THSD4: variants seen among roughly 807,000 people sequenced by gnomAD.
The protein encoded by THSD4 is thrombospondin type-1 domain-containing protein 4.
Under a neutral mutation model 119.0 loss-of-function variants are expected in THSD4, and 69 were observed. That is an observed-to-expected ratio of 0.58 (90% CI 0.48 to 0.71). THSD4 has a LOEUF of 0.71. THSD4 is among the 30% of genes least tolerant of loss of function. The pLI, the probability that THSD4 is intolerant of heterozygous loss-of-function variation, is 0.00. For missense variants in THSD4, 1,393 were observed against 1,391.1 expected, an observed-to-expected ratio of 1.00 and a Z score of -0.02; for synonymous variants, 524 against 540.4, an observed-to-expected ratio of 0.97 and a Z score of 0.42.
At chr15:71,564,503 A>T (rs1479235889) in intron 7 of THSD4, among the ~76,000 whole-genome samples, 1 of 151,338 alleles carries the variant, frequency 6.6e-6, no homozygotes, top group African/African-American at 2.4e-5. Flanking sequence ...AGGGAAAAGC[A>T]GGTGCAAAGG....
chr15:71,304,590 A>G (rs1372372737), intron 6 of THSD4, among the ~76,000 whole-genome samples: 1 of 152,062 alleles, frequency 6.6e-6, no homozygotes, highest in Non-Finnish European at 1.5e-5. Context: ...TTCGGTCGGT[A>G]TTTCCCCCAG....
At chr15:71,349,883 T>C (rs1050920393) in intron 6 of THSD4, among the ~76,000 whole-genome samples, 1 of 151,944 alleles carries the variant, frequency 6.6e-6, no homozygotes, top group African/African-American at 2.4e-5. Flanking sequence ...ACACAGCTGG[T>C]CTCAGGAAGG....
intron 1 of THSD4, among the ~76,000 whole-genome samples, chr15:71,139,541 G>A (rs958180346): frequency 6.6e-6 from 1 of 152,196 alleles, no homozygotes; most frequent in Non-Finnish European, 1.5e-5. Context: ...TGAGAGCCAA[G>A]AATTTAAGGG....
At chr15:71,099,826 G>A (rs899211786) in intron 1 of THSD4, among the ~76,000 whole-genome samples, 6 of 152,042 alleles carry the variant, frequency 3.9e-5, no homozygotes, top group African/African-American at 9.7e-5. Context: ...TTAGCCGGTC[G>A]TGGTGGCACA....
intron 7 of THSD4, among the ~76,000 whole-genome samples, chr15:71,430,777 A>AG (rs1307760627): frequency 6.7e-6 from 1 of 148,644 alleles, no homozygotes; most frequent in Non-Finnish European, 1.5e-5. Flanking sequence ...AAAAAAAAAA[A>AG]AAAAAAGAGA....
At chr15:71,522,242 C>A (rs868391885) in intron 7 of THSD4, among the ~76,000 whole-genome samples, 4 of 152,250 alleles carry the variant, frequency 2.6e-5, no homozygotes, top group Admixed American at 6.5e-5. Context: ...TAAAACCCTG[C>A]TCATTATCTG....
chr15:71,537,441 T>C (rs1247555660), intron 7 of THSD4, among the ~76,000 whole-genome samples: 1 of 152,178 alleles, frequency 6.6e-6, no homozygotes, highest in Admixed American at 6.5e-5. Context: ...TGGTTGCTTC[T>C]ATTCAGCCAT....
intron 7 of THSD4, among the ~76,000 whole-genome samples, chr15:71,637,410 G>A (rs1407166897): frequency 1.3e-5 from 2 of 152,164 alleles, no homozygotes; most frequent in Non-Finnish European, 2.9e-5. Context: ...AGAAAAAAAG[G>A]GAAACATGGG....
chr15:71,289,292 A>G (rs1403678346), intron 6 of THSD4, among the ~76,000 whole-genome samples: 2 of 152,016 alleles, frequency 1.3e-5, no homozygotes, highest in East Asian at 3.9e-4. Context: ...GGGAGATGGG[A>G]ATTAGTGAAG....
intron 8 of THSD4, among the ~76,000 whole-genome samples, chr15:71,688,921 G>A (rs906789550): frequency 5.3e-5 from 8 of 151,872 alleles, no homozygotes; most frequent in Admixed American, 1.3e-4. Context: ...CCAGAACCAC[G>A]TGCATATGGT....
upstream of THSD4, chr15:71,111,006 G>T: frequency 1.2e-6 from 1 of 865,286 alleles, no homozygotes; most frequent in Non-Finnish European, 1.8e-6. Context: ...TTCTCCTTCT[G>T]TCTGCATGTC....
intron 7 of THSD4, among the ~76,000 whole-genome samples, chr15:71,514,866 A>G (rs906225508): frequency 3.9e-5 from 6 of 152,198 alleles, no homozygotes; most frequent in Non-Finnish European, 8.8e-5. Flanking sequence ...TATAATTTCT[A>G]TTGGATACAT....
At chr15:71,676,226 T>C (rs558900322) in intron 8 of THSD4, among the ~76,000 whole-genome samples, 1 of 152,378 alleles carries the variant, frequency 6.6e-6, no homozygotes, top group African/African-American at 2.4e-5. Context: ...ATTTTAATGA[T>C]GTTAAGTGTA....
intron 7 of THSD4, among the ~76,000 whole-genome samples, chr15:71,513,778 G>A (rs971427855): frequency 1.3e-5 from 2 of 152,136 alleles, no homozygotes; most frequent in Non-Finnish European, 1.5e-5. Context: ...TGGAAACAAC[G>A]CAAACATCTA....
In THSD4 at chr15:71,442,644, A is replaced by T. The variant is rs6494931; in HGVS notation, c.1152+30821A>T. On this transcript the variant is annotated intron_variant, in intron 7 of 17. Coordinates refer to ENST00000261862, the MANE Select transcript of THSD4 (RefSeq NM_024817.3). The stretch of plus-strand genomic sequence containing the variant: ...TATATATATATGTATGTGTGTGTAT[A>T]TGTGTGTGTGTGTGTGTATATATAT... Among the ~76,000 whole-genome samples the T allele has an allele frequency of 1.3e-4, 5 of 38,430 alleles. No individual in the cohort carries two copies. In the East Asian group the frequency reaches 3.1e-3, roughly 24 times the overall value. The allele number at this position is 38,430 out of a possible 152,430, so 25.2% of individuals were successfully genotyped here. A position where few individuals can be genotyped will look rare whatever the true frequency, so the allele number is the denominator to read the frequency against.
intron 8 of THSD4, among the ~76,000 whole-genome samples, chr15:71,685,305 C>T (rs2051884559): frequency 6.6e-6 from 1 of 151,514 alleles, no homozygotes; most frequent in African/African-American, 2.4e-5. Flanking sequence ...CATCTCAGGA[C>T]CCTTTTCTCC....
At chr15:71,639,710 T>A (rs989757977) in intron 7 of THSD4, among the ~76,000 whole-genome samples, 1 of 152,068 alleles carries the variant, frequency 6.6e-6, no homozygotes, top group Admixed American at 6.6e-5. Flanking sequence ...CAACAAAAAA[T>A]TATGTTCTTT....
At chr15:71,475,816 A>G (rs1306028492) in intron 7 of THSD4, among the ~76,000 whole-genome samples, 2 of 152,188 alleles carry the variant, frequency 1.3e-5, no homozygotes, top group African/African-American at 4.8e-5. Flanking sequence ...AGTCCTAGCC[A>G]CTTGGAAAGC....
chr15:71,411,965 G>T (rs759068609), intron 7 of THSD4, 142 bp downstream of exon 7: 8 of 1,109,430 alleles, frequency 7.2e-6, no homozygotes, highest in Non-Finnish European at 1.0e-5. Flanking sequence ...GGGAGGAGTG[G>T]GCTGAGATGG....
Sources: allele counts gnomAD v4.1 joint callset (sites outside exome capture counted in the v4.1 genomes callset), GRCh38; gene constraint gnomAD v4.1.1; transcripts MANE v1.5; gene names NCBI Gene and HGNC (gene_info 2026-07-23, HGNC 2026-07-21).